NAA11: variants seen among roughly 807,000 people sequenced by gnomAD.
NAA11 encodes N-alpha-acetyltransferase 11, NatA catalytic subunit.
Under a neutral mutation model 16.1 loss-of-function variants are expected in NAA11, and 15 were observed. That is an observed-to-expected ratio of 0.93 (90% confidence interval 0.62 to 1.44). The LOEUF is 1.44. NAA11 is among the 40% of genes most tolerant of loss of function. The pLI, the probability that NAA11 is intolerant of heterozygous loss-of-function variation, is 0.00. For synonymous variants in NAA11, 122 were observed against 112.4 expected, an observed-to-expected ratio of 1.09 and a Z score of -0.54; for missense variants, 298 against 291.3, an observed-to-expected ratio of 1.02 and a Z score of -0.17.
At chr4:79,250,302 A>G (rs1003699448) in intron 2 of NAA11, among the ~76,000 whole-genome samples, 3 of 152,234 alleles carry the variant, frequency 2.0e-5, no homozygotes, top group Admixed American at 6.5e-5. Flanking sequence ...GAAGCCAGGG[A>G]GCCGAGAGGC....
intron 2 of NAA11, among the ~76,000 whole-genome samples, chr4:79,288,368 G>A (rs1386436534): frequency 1.3e-5 from 2 of 152,040 alleles, no homozygotes; most frequent in Non-Finnish European, 2.9e-5. Context: ...TTAATATGTT[G>A]TAAGAAAAAA....
chr4:79,238,704 G>A (rs1365902599), intron 2 of NAA11, among the ~76,000 whole-genome samples: 1 of 152,160 alleles, frequency 6.6e-6, no homozygotes, highest in African/African-American at 2.4e-5. Context: ...AACTAGTTAA[G>A]TACAGGTTCA....
the NAA11 span, among the ~76,000 whole-genome samples, chr4:79,189,015 A>G: frequency 5.3e-5 from 8 of 151,548 alleles, no homozygotes; most frequent in African/African-American, 1.9e-4. Flanking sequence ...GCGTGGTGGC[A>G]GGTGCCTGTA....
chr4:79,282,221 A>G (rs937788905), intron 2 of NAA11, among the ~76,000 whole-genome samples: 13 of 152,116 alleles, frequency 8.5e-5, no homozygotes, highest in Non-Finnish European at 1.9e-4. Context: ...AAGAGTATAA[A>G]GAGGTGAAGG....
chr4:79,177,134 A>ATG, the NAA11 span, among the ~76,000 whole-genome samples: 1 of 151,958 alleles, frequency 6.6e-6, no homozygotes, highest in African/African-American at 2.4e-5. Context: ...CTATATGTAT[A>ATG]TGTGTGTGTC....
the NAA11 span, among the ~76,000 whole-genome samples, chr4:79,162,122 C>T: frequency 6.6e-6 from 1 of 152,084 alleles, no homozygotes; most frequent in African/African-American, 2.4e-5. Context: ...TTTATTTTTA[C>T]AATGTTTATT....
chr4:79,159,025 A>G, the NAA11 span, among the ~76,000 whole-genome samples: 68 of 152,268 alleles, frequency 4.5e-4, 1 homozygote, highest in Non-Finnish European at 7.2e-4. Context: ...ACATTGGCTT[A>G]GGCAAAGACT....
chr4:79,273,849 C>T (rs1382569187), intron 2 of NAA11, among the ~76,000 whole-genome samples: 3 of 151,934 alleles, frequency 2.0e-5, no homozygotes. Context: ...TTTGCAAGTC[C>T]CTTGCTTCTT....
chr4:79,290,020 A>G (rs1218128577), intron 2 of NAA11, among the ~76,000 whole-genome samples: 2 of 152,062 alleles, frequency 1.3e-5, no homozygotes, highest in Non-Finnish European at 2.9e-5. Flanking sequence ...TTTTCTCACA[A>G]ATTGTAGTCC....
chr4:79,319,982 G>A (rs550128868), intron 1 of NAA11, among the ~76,000 whole-genome samples: 1 of 152,312 alleles, frequency 6.6e-6, no homozygotes, highest in East Asian at 1.9e-4. Flanking sequence ...ACCAGAAAGG[G>A]AGAGTCACTG....
At chr4:79,261,090 C>G (rs1722236202) in intron 2 of NAA11, among the ~76,000 whole-genome samples, 1 of 152,116 alleles carries the variant, frequency 6.6e-6, no homozygotes, top group Admixed American at 6.5e-5. Flanking sequence ...AAATTAATGT[C>G]TTTTGAAAGG....
intron 2 of NAA11, among the ~76,000 whole-genome samples, chr4:79,228,128 G>GGCTT (rs1228627472): frequency 6.6e-6 from 1 of 151,786 alleles, no homozygotes; most frequent in African/African-American, 2.4e-5. Flanking sequence ...CTGGCTGGCT[G>GGCTT]CCCTCTCATT....
At chr4:79,158,545 T>C in the NAA11 span, among the ~76,000 whole-genome samples, 1 of 151,716 alleles carries the variant, frequency 6.6e-6, no homozygotes, top group Admixed American at 6.6e-5. Context: ...CCAAAAGCAA[T>C]CTACAAATGC....
At chr4:79,298,539 T>C (rs1278993490) in intron 1 of NAA11, among the ~76,000 whole-genome samples, 1 of 152,228 alleles carries the variant, frequency 6.6e-6, no homozygotes, top group Admixed American at 6.5e-5. Context: ...GCCCCTGGTC[T>C]GGCTGTAGCC....
intron 1 of NAA11, among the ~76,000 whole-genome samples, chr4:79,302,609 CATT>C (rs1451508101): frequency 2.6e-5 from 4 of 151,938 alleles, no homozygotes; most frequent in African/African-American, 7.3e-5. Flanking sequence ...TGTATATTTG[CATT>C]ATATTTGTAT....
the NAA11 span, among the ~76,000 whole-genome samples, chr4:79,168,639 T>G: frequency 2.0e-5 from 3 of 152,256 alleles, no homozygotes; most frequent in East Asian, 5.8e-4. Context: ...GAGCTCTTTT[T>G]CACATGTTTA....
chr4:79,209,961 G>A, the NAA11 span, among the ~76,000 whole-genome samples: 2 of 152,060 alleles, frequency 1.3e-5, no homozygotes, highest in Non-Finnish European at 1.5e-5. Flanking sequence ...TAAGAGAATC[G>A]CTTGAACCTG....
chr4:79,307,064 A>T (rs1037742031), intron 1 of NAA11: 2 of 152,238 alleles, frequency 1.3e-5, no homozygotes, highest in Non-Finnish European at 2.9e-5. Context: ...TTCCATGCAG[A>T]TAAATCCCAG....
chr4:79,235,468 T>C (rs1721552377), intron 2 of NAA11, among the ~76,000 whole-genome samples: 1 of 152,116 alleles, frequency 6.6e-6, no homozygotes, highest in Non-Finnish European at 1.5e-5. Context: ...AAACCTGGGG[T>C]ACAATGACTA....
Sources: allele counts gnomAD v4.1 joint callset (sites outside exome capture counted in the v4.1 genomes callset), GRCh38; gene constraint gnomAD v4.1.1; transcripts MANE v1.5; gene names NCBI Gene and HGNC (gene_info 2026-07-23, HGNC 2026-07-21).